Variants in HSD17B4 observed in about 807,000 individuals in gnomAD.
The protein encoded by HSD17B4 is hydroxysteroid 17-beta dehydrogenase 4, also known as peroxisomal multifunctional enzyme type 2.
Under a neutral mutation model 101.0 loss-of-function variants are expected in HSD17B4, and 70 were observed. That is an observed-to-expected ratio of 0.69 (90% CI 0.57 to 0.85). The LOEUF (loss-of-function observed/expected upper bound fraction) is 0.85, where lower values mean the gene tolerates loss of function less well. HSD17B4 is among the 40% of genes least tolerant of loss of function. The pLI, the probability that HSD17B4 is intolerant of heterozygous loss-of-function variation, is 0.00. For synonymous variants in HSD17B4, 347 were observed against 297.1 expected (o/e 1.17, Z -1.73); for missense variants, 984 against 892.4 (o/e 1.10, Z -1.31).
intron 9 of HSD17B4, among the ~76,000 whole-genome samples, chr5:119,490,279 A>G (rs1381893728): frequency 6.6e-6 from 1 of 152,196 alleles, no homozygotes; most frequent in Non-Finnish European, 1.5e-5. Flanking sequence ...ACTCTGTTTT[A>G]TAGAAGAGGA....
intron 11 of HSD17B4, chr5:119,495,745 A>G: frequency 5.3e-6 from 1 of 187,852 alleles, no homozygotes; most frequent in Non-Finnish European, 1.2e-5. Flanking sequence ...ATCTCAGCTC[A>G]CTACAACCTC....
At position 119,530,829 on chromosome 5, in the gene HSD17B4, G is replaced by A. The variant is rs1314604971; in HGVS notation, c.1855-437G>A. 1.4e-5 allele frequency among the ~76,000 whole-genome samples: 2 copies of A among 138,294 alleles called. 1 individual carries two copies. Among genetic ancestry groups the A allele is most frequent in the Admixed American group, 1.5e-4 (2 of 13,292 alleles). The allele number at this position is 138,294 out of a possible 152,430, so 90.7% of individuals were successfully genotyped here. ...GATTGCACTACTGCATTCTAGCCTG[G>A]GCGACAAGTCTGTCTCAAAAAAAAA... On this transcript the variant is annotated intron_variant, in intron 21 of 23. Coordinates refer to ENST00000510025, the MANE Select transcript of HSD17B4 (RefSeq NM_000414.4).
chr5:119,524,747 A>T (rs574979292), intron 17 of HSD17B4, among the ~76,000 whole-genome samples: 12 of 152,112 alleles, frequency 7.9e-5, no homozygotes, highest in Non-Finnish European at 1.3e-4. Flanking sequence ...AATGTTCAGG[A>T]TTTAGTGTAC....
intron 17 of HSD17B4, among the ~76,000 whole-genome samples, chr5:119,519,961 C>T (rs549970350): frequency 9.9e-5 from 15 of 152,256 alleles, no homozygotes; most frequent in African/African-American, 3.1e-4. Flanking sequence ...AGGTCCCACT[C>T]GCAGCTCCAG....
At chr5:119,463,462 A>T (rs1337899875) in intron 2 of HSD17B4, among the ~76,000 whole-genome samples, 2 of 150,442 alleles carry the variant, frequency 1.3e-5, no homozygotes, top group Non-Finnish European at 3.0e-5. Context: ...GTACTAATTT[A>T]CATTTCCACC....
At chr5:119,524,202 A>G (rs1023867616) in intron 17 of HSD17B4, among the ~76,000 whole-genome samples, 6 of 152,132 alleles carry the variant, frequency 3.9e-5, no homozygotes, top group Non-Finnish European at 7.4e-5. Context: ...TAAATAATCT[A>G]TAGAACCATT....
intron 2 of HSD17B4, among the ~76,000 whole-genome samples, chr5:119,463,899 C>T (rs2126643664): frequency 6.6e-6 from 1 of 151,892 alleles, no homozygotes; most frequent in Admixed American, 6.6e-5. Flanking sequence ...TCAAACTCCT[C>T]ATCTCAAATG....
chr5:119,478,788 T>C (rs762551539), intron 7 of HSD17B4, 46 bp from the exon 8 acceptor site: 16 of 1,533,504 alleles, frequency 1.0e-5, no homozygotes, highest in African/African-American at 1.4e-5. Context: ...TGCAATGTTA[T>C]CAAATTATGG....
In HSD17B4 at chr5:119,455,202, G is replaced by A. The variant is rs190733501; in HGVS notation, c.59-1113G>A. ...TGCCAGTTTCTAATGTGTTTTTCCC[G>A]AGATACTCTATGCCTATAAAACTTC... On this transcript the variant is annotated intron_variant, in intron 1 of 23. Transcript: ENST00000510025. Among the ~76,000 whole-genome samples, 11 of 152,098 alleles carry A rather than the reference G, an allele frequency of 7.2e-5. No individual in the cohort carries two copies. In the South Asian group the frequency reaches 1.5e-3, roughly 20 times the overall value.
At chr5:119,532,760 G>C (rs994669505) in intron 22 of HSD17B4, among the ~76,000 whole-genome samples, 4 of 151,618 alleles carry the variant, frequency 2.6e-5, no homozygotes, top group Non-Finnish European at 5.9e-5. Flanking sequence ...GGGAGATAAA[G>C]AATCAGAGGA....
intron 1 of HSD17B4, among the ~76,000 whole-genome samples, chr5:119,455,515 T>TG (rs1754526765): frequency 7.2e-6 from 1 of 139,536 alleles, no homozygotes. Flanking sequence ...AGACTGGATC[T>TG]CAAAAAAAAA....
At chr5:119,512,349 C>G (rs1361366537) in intron 16 of HSD17B4, among the ~76,000 whole-genome samples, 1 of 152,074 alleles carries the variant, frequency 6.6e-6, no homozygotes, top group Non-Finnish European at 1.5e-5. Flanking sequence ...GCTCAGTCAA[C>G]TCCAAATAGA....
chr5:119,489,077 TA>T, intron 8 of HSD17B4, 114 bp from the exon 9 acceptor site: 1 of 731,540 alleles, frequency 1.4e-6, no homozygotes, highest in African/African-American at 1.8e-5. Context: ...ACTAGTTATA[TA>T]CATACTAATT....
chr5:119,512,158 C>G (rs931134904), intron 16 of HSD17B4, among the ~76,000 whole-genome samples: 1 of 151,870 alleles, frequency 6.6e-6, no homozygotes. Flanking sequence ...ATTATACAAA[C>G]TAAAGAACAG....
intron 13 of HSD17B4, among the ~76,000 whole-genome samples, chr5:119,500,758 G>A (rs1751082236): frequency 6.6e-6 from 1 of 152,124 alleles, no homozygotes; most frequent in Non-Finnish European, 1.5e-5. Flanking sequence ...GGAATGGTTG[G>A]TGAGGTATGA....
At chr5:119,455,883 C>A (rs540077180) in intron 1 of HSD17B4, among the ~76,000 whole-genome samples, 1 of 152,186 alleles carries the variant, frequency 6.6e-6, no homozygotes, top group Non-Finnish European at 1.5e-5. Context: ...AGCTGCCATC[C>A]AGGGATTAGG....
intron 17 of HSD17B4, among the ~76,000 whole-genome samples, chr5:119,518,652 C>T (rs933828860): frequency 2.0e-5 from 3 of 152,054 alleles, no homozygotes; most frequent in Admixed American, 2.0e-4. Flanking sequence ...TGTGCATGGG[C>T]AGATCTTTAA....
At chr5:119,457,859 C>G (rs1337710426) in intron 2 of HSD17B4, among the ~76,000 whole-genome samples, 1 of 152,084 alleles carries the variant, frequency 6.6e-6, no homozygotes. Context: ...ATATACTTTT[C>G]TGGGGGAAGG....
chr5:119,538,104 G>A (rs750515592), intron 23 of HSD17B4, among the ~76,000 whole-genome samples: 3 of 152,028 alleles, frequency 2.0e-5, no homozygotes, highest in Non-Finnish European at 2.9e-5. Flanking sequence ...GAAACTTTCT[G>A]GCATGTCAAA....
Sources: gnomAD v4.1 joint callset for allele counts (sites outside exome capture counted in the v4.1 genomes callset) on GRCh38, gnomAD v4.1.1 for gene constraint, MANE v1.5 for transcripts, NCBI Gene and HGNC (gene_info 2026-07-23, HGNC 2026-07-21) for gene names.